The following NARF variants were observed in gnomAD, a reference collection of about 807,000 sequenced individuals.
The protein encoded by NARF is iron-only hydrogenase-like protein 2.
In NARF, 41 loss-of-function variants were observed where a neutral mutation model predicts 48.0. The ratio of observed to expected loss-of-function variants is 0.85; its 90% CI spans 0.66 to 1.11. NARF has a LOEUF of 1.11. Among genes scored for constraint, NARF ranks in the 50% least tolerant of loss-of-function variants. The pLI is 0.00. For missense variants in NARF, 613 were observed against 590.2 expected (o/e 1.04, Z -0.40); for synonymous variants, 215 against 225.5 (o/e 0.95, Z 0.42).
intron 3 of NARF, among the ~76,000 whole-genome samples, chr17:82,466,108 C>T (rs1024444819): frequency 2.6e-5 from 4 of 152,288 alleles, no homozygotes; most frequent in Middle Eastern, 6.8e-3. Flanking sequence ...CATTTTGTTA[C>T]GTTGAACAGA....
chr17:82,474,735 C>T (rs1190026891), intron 5 of NARF, among the ~76,000 whole-genome samples: 2 of 152,214 alleles, frequency 1.3e-5, no homozygotes, highest in East Asian at 1.9e-4. Context: ...GACTTACTCT[C>T]TAGCCATTTA....
chr17:82,478,785 C>A lies in NARF; in HGVS notation c.521-15C>A. ...AAGCAGTAAGGAGCTGACCGTGGAT[C>A]CCTTCTCTCCCCAGGCTGGGTCCGA... On this transcript the variant is annotated splice_polypyrimidine_tract_variant and intron_variant, in intron 5 of 10. Transcript: ENST00000309794. 6.2e-7 allele frequency: 1 copy of A among 1,609,470 alleles called. No homozygotes were observed. The highest frequency in any genetic ancestry group is 8.5e-7 in the Non-Finnish European group (1 of 1,176,596).
intron 5 of NARF, among the ~76,000 whole-genome samples, 194 bp downstream of exon 5, chr17:82,472,892 G>A (rs1303965038): frequency 2.0e-5 from 3 of 152,054 alleles, no homozygotes; most frequent in Admixed American, 2.0e-4. Context: ...TTCATCAGAG[G>A]TGCCACACTG....
At chr17:82,479,668 T>A (rs1567942017) in intron 6 of NARF, among the ~76,000 whole-genome samples, 1 of 152,232 alleles carries the variant, frequency 6.6e-6, no homozygotes, top group South Asian at 2.1e-4. Context: ...GTCCAGGCAC[T>A]GTGGTAACTG....
intron 10 of NARF, among the ~76,000 whole-genome samples, chr17:82,487,197 C>T (rs981277963): frequency 3.9e-5 from 6 of 152,156 alleles, no homozygotes; most frequent in African/African-American, 1.4e-4. Flanking sequence ...ATGAGAGGCA[C>T]ACGGGTCCAG....
chr17:82,469,023 T>G, intron 4 of NARF, 127 bp downstream of exon 4: 2 of 1,043,452 alleles, frequency 1.9e-6, no homozygotes, highest in Non-Finnish European at 2.7e-6. Flanking sequence ...TCTTGGAACG[T>G]AAAAAGACCA....
At chr17:82,481,392 T>A (rs1156361662) in intron 7 of NARF, among the ~76,000 whole-genome samples, 181 bp downstream of exon 7, 1 of 152,124 alleles carries the variant, frequency 6.6e-6, no homozygotes, top group Non-Finnish European at 1.5e-5. Context: ...AGAAGGGTCA[T>A]GTTCGATCTA....
intron 7 of NARF, chr17:82,481,936 A>G (rs2143942590): frequency 3.1e-6 from 1 of 323,872 alleles, no homozygotes; most frequent in Non-Finnish European, 6.0e-6. Flanking sequence ...TGAAAAAGGC[A>G]CGTTTGCTCC....
rs1350349619 is a variant in NARF at position 82,468,848 on chromosome 17, A to G, written c.337A>G (p.Ser113Gly). The stretch of plus-strand genomic sequence containing the variant: ...TTATTTTGCTGCTAAATTCAACCTC[A>G]GTGTAACTGATGCATCCAGAAGACT... ...LPYFAAKFNL[S>G]VTDASRRLCG... Residue 113 changes from serine (S) to glycine (G), a missense_variant, in exon 4 of 11, where the codon AGT (serine) becomes GGT (glycine). Ser to Gly is a moderately conservative substitution (Grantham distance 56). Coordinates refer to ENST00000309794, the MANE Select transcript of NARF (RefSeq NM_012336.4). 7 of 1,614,134 alleles carry G rather than the reference A, an allele frequency of 4.3e-6. No homozygotes were observed. In the South Asian group the frequency reaches 7.7e-5, roughly 18 times the overall value.
Position 82,481,080 on chromosome 17 carries a change from A to G in NARF, c.640-2A>G, listed in dbSNP as rs767556573. ...CTAAATATGGGTGCCCCTCTCCCAC[A>G]GAACCTGTCTCCAGAGAAGATTTTC... is the stretch of plus-strand genomic sequence containing the variant. On this transcript the variant is annotated splice_acceptor_variant, in intron 6 of 10. Coordinates refer to ENST00000309794, the MANE Select transcript of NARF (RefSeq NM_012336.4). LOFTEE classifies it high-confidence loss of function. The G allele has an allele frequency of 6.2e-7, 1 of 1,614,126 alleles. No homozygotes were observed. Among genetic ancestry groups the G allele is most frequent in the Admixed American group, 1.7e-5 (1 of 60,018 alleles).
At chr17:82,465,538 C>G (rs1020402125) in intron 3 of NARF, among the ~76,000 whole-genome samples, 3 of 152,082 alleles carry the variant, frequency 2.0e-5, no homozygotes, top group Admixed American at 6.6e-5. Context: ...CCATTCACCC[C>G]CATGGCTTCT....
chr17:82,472,194 A>T (rs1439263072), intron 4 of NARF, among the ~76,000 whole-genome samples: 1 of 152,020 alleles, frequency 6.6e-6, no homozygotes. Flanking sequence ...AAGAATGAAG[A>T]AGTATTGGCT....
At position 82,468,854 on chromosome 17, in the gene NARF, A is replaced by C; in HGVS notation, c.343A>C (p.Thr115Pro). The C allele has an allele frequency of 6.2e-7, 1 of 1,614,162 alleles. No homozygotes were observed. The highest frequency in any genetic ancestry group is 8.5e-7 in the Non-Finnish European group (1 of 1,180,010). Residue 115 changes from threonine (T) to proline (P), a missense_variant, in exon 4 of 11, where the codon ACT becomes CCT. Thr to Pro is a conservative substitution (Grantham distance 38). Coordinates refer to ENST00000309794, the MANE Select transcript of NARF (RefSeq NM_012336.4). ...TGCTGCTAAATTCAACCTCAGTGTA[A>C]CTGATGCATCCAGAAGACTCTGTGG... The part of the protein sequence containing the change: ...YFAAKFNLSV[T>P]DASRRLCGFL...
chr17:82,465,164 A>G (rs908182926), intron 3 of NARF, among the ~76,000 whole-genome samples: 1 of 152,160 alleles, frequency 6.6e-6, no homozygotes, highest in Non-Finnish European at 1.5e-5. Flanking sequence ...GCACCCTTGT[A>G]AACAACCAGA....
intron 8 of NARF, chr17:82,484,453 A>T (rs755659586): frequency 1.7e-5 from 3 of 177,260 alleles, no homozygotes; most frequent in Non-Finnish European, 3.5e-5. Context: ...GGATCACTTG[A>T]GTCCAGGAGG....
chr17:82,471,304 AAGT>A (rs2043696451), intron 4 of NARF, among the ~76,000 whole-genome samples: 1 of 151,342 alleles, frequency 6.6e-6, no homozygotes, highest in Admixed American at 6.6e-5. Flanking sequence ...AAATTCAAAA[AAGT>A]AGCCGGGCGT....
At chr17:82,475,394 A>G (rs560677398) in intron 5 of NARF, among the ~76,000 whole-genome samples, 2 of 152,202 alleles carry the variant, frequency 1.3e-5, no homozygotes, top group East Asian at 3.9e-4. Flanking sequence ...AGGTCAGGAG[A>G]TTGAGACCAT....
intron 3 of NARF, 70 bp from the exon 4 acceptor site, chr17:82,468,694 C>T (rs2043627800): frequency 6.7e-7 from 1 of 1,489,852 alleles, no homozygotes; most frequent in South Asian, 1.2e-5. Context: ...CTGAATTTCT[C>T]ATTAAGGTGT....
chr17:82,464,014 C>A, intron 2 of NARF: 1 of 365,654 alleles, frequency 2.7e-6, no homozygotes, highest in Non-Finnish European at 5.0e-6. Flanking sequence ...TACTTCCTAC[C>A]ACGTGACAGT....
Sources: gnomAD v4.1 joint callset for allele counts (sites outside exome capture counted in the v4.1 genomes callset) on GRCh38, gnomAD v4.1.1 for gene constraint, MANE v1.5 for transcripts, NCBI Gene and HGNC (gene_info 2026-07-23, HGNC 2026-07-21) for gene names.